PHF8: variants seen among roughly 807,000 people sequenced by gnomAD.
PHF8 encodes the protein PHD finger protein 8.
PHF8 carries 9 observed loss-of-function variants against 74.4 expected under a neutral mutation model. The observed-to-expected ratio is 0.12, with a 90% confidence interval of 0.07 to 0.21. The LOEUF (loss-of-function observed/expected upper bound fraction) is 0.21. Ranked by LOEUF, PHF8 falls within the 10% of genes least tolerant of loss-of-function variation. PHF8 has a pLI of 1.00. For missense variants in PHF8, 478 were observed against 816.6 expected, an observed-to-expected ratio of 0.59 and a Z score of 5.05; for synonymous variants, 311 against 316.6, an observed-to-expected ratio of 0.98 and a Z score of 0.19.
chrX:53,982,479 T>C (rs782273118), intron 18 of PHF8, among the ~76,000 whole-genome samples: 22 of 112,885 alleles, frequency 1.9e-4, no homozygotes, highest in Non-Finnish European at 3.9e-4. Context: ...TTACTTATCA[T>C]GTGCTGGGCA....
chrX:54,005,382 G>A (rs1337677421), intron 8 of PHF8, among the ~76,000 whole-genome samples: 4 of 104,414 alleles, frequency 3.8e-5, no homozygotes, highest in Non-Finnish European at 3.9e-5. Flanking sequence ...ACTGCAGTGA[G>A]CCGAGATCGC....
intron 2 of PHF8, among the ~76,000 whole-genome samples, chrX:54,037,772 A>G (rs2066488274): frequency 8.9e-6 from 1 of 112,693 alleles, no homozygotes; most frequent in Admixed American, 9.4e-5. Context: ...CCCCCAAAAG[A>G]TAAAGATAAT....
chrX:53,947,473 A>C (rs1442435852), intron 19 of PHF8, among the ~76,000 whole-genome samples: 1 of 112,756 alleles, frequency 8.9e-6, no homozygotes, highest in African/African-American at 3.2e-5. Context: ...TTCTTTCTTT[A>C]AAGGTAACAT....
chrX:53,948,746 G>A (rs1438898605), intron 19 of PHF8, among the ~76,000 whole-genome samples: 5 of 111,194 alleles, frequency 4.5e-5, no homozygotes, highest in African/African-American at 1.3e-4. Flanking sequence ...ATTGTCGGCC[G>A]GGCACGGTGG....
intron 19 of PHF8, among the ~76,000 whole-genome samples, chrX:53,945,040 T>C (rs1381848528): frequency 3.9e-5 from 4 of 103,100 alleles, no homozygotes; most frequent in African/African-American, 7.2e-5. Context: ...ATAATAATAA[T>C]AGTAATAAAA....
chrX:54,029,090 A>G (rs782124677), intron 2 of PHF8, among the ~76,000 whole-genome samples: 3 of 112,127 alleles, frequency 2.7e-5, no homozygotes, highest in Non-Finnish European at 3.8e-5. Context: ...CCAAGTTATC[A>G]GCATGTCCTA....
chrX:53,942,585 T>C (rs1157178900), intron 20 of PHF8: 2 of 498,255 alleles, frequency 4.0e-6, no homozygotes, highest in Non-Finnish European at 4.9e-6. Flanking sequence ...ATAGTGGGGA[T>C]ACCAAGTTAA....
Position 53,938,057 on chromosome X carries a change from C to G in PHF8, c.*1101G>C. On this transcript the variant is annotated 3_prime_UTR_variant, in exon 22 of 22. Transcript: ENST00000338154. ...GCATTCTGCTTGAACGATGACCTGT[C>G]GTCTGGAAGTGCAAAGGCCCAGGAG... The G allele has an allele frequency of 8.6e-7, 1 of 1,163,959 alleles. No homozygotes were observed. Among genetic ancestry groups the G allele is most frequent in the East Asian group, 3.3e-5 (1 of 30,661 alleles).
chrX:54,004,582 G>C (rs1294893048), intron 8 of PHF8, among the ~76,000 whole-genome samples: 1 of 111,430 alleles, frequency 9.0e-6, no homozygotes, highest in Non-Finnish European at 1.9e-5. Context: ...ATAGGAAATA[G>C]AAATTCTCAG....
At chrX:54,011,441 T>C (rs1452790128) in intron 7 of PHF8, among the ~76,000 whole-genome samples, 157 bp from the exon 8 acceptor site, 1 of 112,860 alleles carries the variant, frequency 8.9e-6, no homozygotes, top group African/African-American at 3.2e-5. Context: ...CTTTGTGGAT[T>C]TGGAAAACTT....
chrX:53,957,008 C>T (rs930924620), intron 19 of PHF8, among the ~76,000 whole-genome samples: 6 of 109,860 alleles, frequency 5.5e-5, no homozygotes, highest in African/African-American at 1.7e-4. Flanking sequence ...GTCAGGAGTT[C>T]GAGACCAACC....
chrX:53,999,509 A>AG, intron 11 of PHF8: 1 of 192,766 alleles, frequency 5.2e-6, no homozygotes, highest in South Asian at 8.5e-5. Context: ...ACATTGTTCA[A>AG]GGGTCAACCA....
intron 7 of PHF8, among the ~76,000 whole-genome samples, chrX:54,011,940 G>A (rs1557106872): frequency 1.8e-5 from 2 of 108,570 alleles, no homozygotes; most frequent in Non-Finnish European, 3.8e-5. Context: ...GGTTTAACCA[G>A]TATTTCATGA....
intron 11 of PHF8, among the ~76,000 whole-genome samples, chrX:53,999,028 A>G (rs921566831): frequency 8.9e-6 from 1 of 112,474 alleles, no homozygotes; most frequent in Non-Finnish European, 1.9e-5. Flanking sequence ...CTGCAAAAGA[A>G]TATCACATAA....
At position 53,985,197 on chromosome X, in the gene PHF8, C is replaced by T. The variant is rs782725932; in HGVS notation, c.2160G>A (p.Glu720=). The change falls in exon 18 of 22, where the codon GAG becomes GAA. Residue 720 remains glutamate, a synonymous_variant. Coordinates refer to ENST00000338154, the MANE Select transcript of PHF8 (RefSeq NM_015107.3). ...TEAPASPSTQ[E]AIQGMLCMAN... ...CCATGCACAGCATGCCCTGGATGGC[C>T]TCCTGAGTGCTGGGAGAAGCTGGGG... The T allele has an allele frequency of 2.5e-6, 3 of 1,202,842 alleles. No individual in the cohort carries two copies. The highest frequency in any genetic ancestry group is 3.4e-6 in the Non-Finnish European group (3 of 890,615).
chrX:53,987,031 T>A, intron 16 of PHF8, 47 bp downstream of exon 16: 4 of 777,718 alleles, frequency 5.1e-6, no homozygotes, highest in Middle Eastern at 2.8e-4. Flanking sequence ...GTCTTCTGTC[T>A]CTATCACCAG....
intron 2 of PHF8, among the ~76,000 whole-genome samples, chrX:54,031,592 A>G (rs2066358026): frequency 9.1e-6 from 1 of 109,812 alleles, no homozygotes; most frequent in Non-Finnish European, 1.9e-5. Flanking sequence ...TCCAAAAAAA[A>G]AAAAAACCCA....
At chrX:54,031,867 T>C (rs1164345476) in intron 2 of PHF8, among the ~76,000 whole-genome samples, 6 of 111,936 alleles carry the variant, frequency 5.4e-5, no homozygotes, top group African/African-American at 1.9e-4. Flanking sequence ...CTTGTTAAAA[T>C]ACAGATTCCT....
At chrX:53,947,913 A>G (rs1424219206) in intron 19 of PHF8, among the ~76,000 whole-genome samples, 2 of 111,838 alleles carry the variant, frequency 1.8e-5, no homozygotes, top group African/African-American at 6.5e-5. Context: ...GCCAGGCATC[A>G]AACATGTAAG....
Sources: gnomAD v4.1 joint callset for allele counts (sites outside exome capture counted in the v4.1 genomes callset) on GRCh38, gnomAD v4.1.1 for gene constraint, MANE v1.5 for transcripts, NCBI Gene and HGNC (gene_info 2026-07-23, HGNC 2026-07-21) for gene names.